SCYL2: variants seen among roughly 807,000 people sequenced by gnomAD.
SCYL2 encodes SCY1 like pseudokinase 2, also known as SCY1-like protein 2.
Under a neutral mutation model 100.4 loss-of-function variants are expected in SCYL2, and 36 were observed. The ratio of observed to expected loss-of-function variants is 0.36; its 90% CI spans 0.27 to 0.47. The LOEUF (loss-of-function observed/expected upper bound fraction) is 0.47. Among genes scored for constraint, SCYL2 ranks in the 20% least tolerant of loss-of-function variants. SCYL2 has a pLI of 1.00. For missense variants in SCYL2, 902 were observed against 1,083.9 expected, an observed-to-expected ratio of 0.83 and a Z score of 2.36; for synonymous variants, 330 against 359.2, an observed-to-expected ratio of 0.92 and a Z score of 0.92.
At chr12:100,278,917 C>T (rs1032129824) in intron 1 of SCYL2, among the ~76,000 whole-genome samples, 5 of 152,092 alleles carry the variant, frequency 3.3e-5, no homozygotes, top group African/African-American at 7.2e-5. Context: ...CGTGAGCCAC[C>T]GCGCCTGGCC....
chr12:100,326,527 TAACA>T, intron 11 of SCYL2, 91 bp from the exon 12 acceptor site: 1 of 835,352 alleles, frequency 1.2e-6, no homozygotes, highest in Middle Eastern at 3.8e-4. Context: ...CTTGAGACTT[TAACA>T]TATTTATATG....
At chr12:100,297,941 G>C (rs181622299) in intron 3 of SCYL2, 90 bp from the exon 4 acceptor site, 1 of 1,022,116 alleles carries the variant, frequency 9.8e-7, no homozygotes, top group African/African-American at 1.7e-5. Flanking sequence ...CTTATTGATA[G>C]TTTAATAGGA....
intron 8 of SCYL2, among the ~76,000 whole-genome samples, chr12:100,314,920 A>G (rs1393851296): frequency 1.3e-5 from 2 of 152,200 alleles, no homozygotes; most frequent in African/African-American, 4.8e-5. Flanking sequence ...TTAAAGGGGT[A>G]CTTCTGTTGA....
intron 3 of SCYL2, among the ~76,000 whole-genome samples, chr12:100,295,505 G>A (rs552956952): frequency 7.0e-4 from 107 of 151,924 alleles, no homozygotes; most frequent in Middle Eastern, 3.4e-3. Context: ...AGACCGGCCA[G>A]GCCAACACAG....
Position 100,312,508 on chromosome 12 carries a change from A to C in SCYL2, c.707A>C (p.Glu236Ala). 1 of 1,613,908 alleles carries C rather than the reference A, an allele frequency of 6.2e-7. No individual in the cohort carries two copies. The highest frequency in any genetic ancestry group is 8.5e-7 in the Non-Finnish European group (1 of 1,179,918). ...CCAAATCCTGAATATTTGGCTCCTG[A>C]ATACATACTTTCTGTGAGCTGTGAA... ...CLPNPEYLAP[E>A]YILSVSCETA... Residue 236 changes from glutamate (E) to alanine (A), a missense_variant, in exon 6 of 18, where the codon GAA becomes GCA. Coordinates refer to ENST00000360820, the MANE Select transcript of SCYL2 (RefSeq NM_017988.6).
intron 11 of SCYL2, chr12:100,323,895 T>C: frequency 4.4e-6 from 1 of 228,862 alleles, no homozygotes; most frequent in East Asian, 9.3e-5. Flanking sequence ...TTTTTCTTAA[T>C]CCTTTTCTGC....
intron 11 of SCYL2, 82 bp from the exon 12 acceptor site, chr12:100,326,540 T>G: frequency 3.2e-6 from 3 of 946,502 alleles, no homozygotes; most frequent in Non-Finnish European, 3.0e-6. Flanking sequence ...CATATTTATA[T>G]GAAGATTAAG....
chr12:100,278,067 A>G (rs1411030912), intron 1 of SCYL2, among the ~76,000 whole-genome samples: 1 of 152,154 alleles, frequency 6.6e-6, no homozygotes, highest in African/African-American at 2.4e-5. Context: ...TATAAACACA[A>G]TACATTTTTA....
chr12:100,283,167 C>T lies in SCYL2; in HGVS notation c.177+20C>T. On this transcript the variant is annotated intron_variant, in intron 2 of 17. Coordinates refer to ENST00000360820, the MANE Select transcript of SCYL2 (RefSeq NM_017988.6). Reference sequence around the variant, plus strand: ...AAGCAGGTGAGTTTTAATTCAGCATCCACTTGGAAAAAACCCACATGCTAA... The same window carrying T: ...AAGCAGGTGAGTTTTAATTCAGCATTCACTTGGAAAAAACCCACATGCTAA... 1 of 1,563,054 alleles carries T rather than the reference C, an allele frequency of 6.4e-7. No homozygotes were observed. The highest frequency in any genetic ancestry group is 1.2e-5 in the South Asian group (1 of 83,062).
chr12:100,313,286 T>C (rs2096344426), intron 6 of SCYL2, 136 bp from the exon 7 acceptor site: 1 of 429,812 alleles, frequency 2.3e-6, no homozygotes, highest in African/African-American at 2.0e-5. Context: ...TTTGCAACAA[T>C]AGAATTAACA....
chr12:100,311,211 C>T lies in SCYL2; in HGVS notation c.630+18C>T. On this transcript the variant is annotated intron_variant, in intron 5 of 17. Coordinates refer to ENST00000360820, the MANE Select transcript of SCYL2 (RefSeq NM_017988.6). ...AACAAGAGGTAATGAAAGTTTTAGTCTTCTAATTTTTGAGGCCAGGGAAAT... is the reference window on the plus strand; with the variant it reads ...AACAAGAGGTAATGAAAGTTTTAGTTTTCTAATTTTTGAGGCCAGGGAAAT... 1 of 1,575,448 alleles carries T rather than the reference C, an allele frequency of 6.3e-7. No individual in the cohort carries two copies. Among genetic ancestry groups the T allele is most frequent in the Non-Finnish European group, 8.6e-7 (1 of 1,166,214 alleles).
At chr12:100,276,341 T>G (rs952905213) in intron 1 of SCYL2, among the ~76,000 whole-genome samples, 4 of 152,166 alleles carry the variant, frequency 2.6e-5, no homozygotes, top group African/African-American at 9.7e-5. Flanking sequence ...CTTTTTATTT[T>G]TATTTTTGAA....
At chr12:100,314,636 A>G (rs368534253) in intron 8 of SCYL2, 22 bp downstream of exon 8, 138 of 1,573,800 alleles carry the variant, frequency 8.8e-5, no homozygotes, top group Non-Finnish European at 1.1e-4. Flanking sequence ...TTAGTTTCTT[A>G]TTAATAATCA....
intron 9 of SCYL2, 73 bp from the exon 10 acceptor site, chr12:100,317,730 G>T: frequency 6.8e-7 from 1 of 1,480,776 alleles, no homozygotes; most frequent in Non-Finnish European, 8.9e-7. Flanking sequence ...TTTTGAAGAA[G>T]CTTTACATTT....
At position 100,329,262 on chromosome 12, in the gene SCYL2, A is replaced by G; in HGVS notation, c.1704A>G (p.Gly568=). Residue 568 remains glycine (G), a synonymous_variant, in exon 13 of 18, where the codon GGA becomes GGG. Coordinates refer to ENST00000360820, the MANE Select transcript of SCYL2 (RefSeq NM_017988.6). ...KLGITKEQLA[G]KVLPHLIPLS... ...GAATCACCAAAGAGCAGCTGGCCGG[A>G]AAAGTGTTGCCTCATCTTATTCCCC... is the stretch of plus-strand genomic sequence containing the variant. 6.2e-7 allele frequency: 1 copy of G among 1,609,592 alleles called. No individual in the cohort carries two copies. The highest frequency in any genetic ancestry group is 8.5e-7 in the Non-Finnish European group (1 of 1,176,076).
chr12:100,297,554 A>G (rs541688643), intron 3 of SCYL2, among the ~76,000 whole-genome samples: 12 of 152,370 alleles, frequency 7.9e-5, no homozygotes, highest in African/African-American at 2.9e-4. Flanking sequence ...TACTGGAGCT[A>G]GCTGTGCCTT....
chr12:100,326,648 A>G lies in SCYL2; in HGVS notation c.1536A>G (p.Leu512=), dbSNP rs1452114507. 1 of 1,606,108 alleles carries G rather than the reference A, an allele frequency of 6.2e-7. No homozygotes were observed. Among genetic ancestry groups the G allele is most frequent in the South Asian group, 1.1e-5 (1 of 88,776 alleles). Residue 512 remains leucine (L), a synonymous_variant, in exon 12 of 18, where the codon TTA becomes TTG. Transcript: ENST00000360820. ...LAVRVNSLVC[L]GKILEYLDKW... ...TTCGTGTAAATTCATTAGTGTGCTTAGGAAAGATTTTGGAATACTTGGATA... is the reference window on the plus strand; with the variant it reads ...TTCGTGTAAATTCATTAGTGTGCTTGGGAAAGATTTTGGAATACTTGGATA...
chr12:100,295,000 C>T (rs1210484883), intron 3 of SCYL2, among the ~76,000 whole-genome samples: 70 of 150,454 alleles, frequency 4.7e-4, no homozygotes, highest in African/African-American at 1.5e-3. Flanking sequence ...CGGGCAGAGA[C>T]GCTCCTCACC....
At chr12:100,302,675 G>A (rs2096329355) in intron 4 of SCYL2, among the ~76,000 whole-genome samples, 1 of 152,008 alleles carries the variant, frequency 6.6e-6, no homozygotes, top group Admixed American at 6.6e-5. Context: ...CTTTCTCTCT[G>A]GCTTAACATT....
Sources: allele counts gnomAD v4.1 joint callset (sites outside exome capture counted in the v4.1 genomes callset), GRCh38; gene constraint gnomAD v4.1.1; transcripts MANE v1.5; gene names NCBI Gene and HGNC (gene_info 2026-07-23, HGNC 2026-07-21).